The following OVOL1 variants were observed in gnomAD, a reference collection of about 807,000 sequenced individuals.
OVOL1 encodes the protein ovo like transcriptional repressor 1.
Under a neutral mutation model 21.5 loss-of-function variants are expected in OVOL1, and 10 were observed. The observed-to-expected ratio is 0.46, with a 90% CI of 0.29 to 0.79. The LOEUF (loss-of-function observed/expected upper bound fraction) is 0.79, where lower values mean the gene tolerates loss of function less well. Among genes scored for constraint, OVOL1 ranks in the 30% least tolerant of loss-of-function variants. The pLI, the probability that OVOL1 is intolerant of heterozygous loss-of-function variation, is 0.10. For synonymous variants in OVOL1, 129 were observed against 150.3 expected (o/e 0.86, Z 1.03); for missense variants, 279 against 362.3 (o/e 0.77, Z 1.87).
intron 1 of OVOL1, among the ~76,000 whole-genome samples, chr11:65,791,600 ACAGGCCT>A (rs1858019198): frequency 1.3e-5 from 2 of 152,208 alleles, no homozygotes; most frequent in Non-Finnish European, 2.9e-5. Context: ...AAGGCAGGAG[ACAGGCCT>A]CGATGGGCAG....
Position 65,797,154 on chromosome 11 carries a change from G to A in OVOL1, c.*1813G>A, listed in dbSNP as rs1349894139. 6.6e-6 allele frequency: 1 copy of A among 152,170 alleles called. No individual in the cohort carries two copies. Among genetic ancestry groups the A allele is most frequent in the Non-Finnish European group, 1.5e-5 (1 of 68,026 alleles). The allele number at this position is 152,170 out of a possible 1,614,324, so 9.4% of individuals were successfully genotyped here. A position where few individuals can be genotyped will look rare whatever the true frequency, so the allele number is the denominator to read the frequency against. ...ACTGCCAATCCGAGGCCGTCATGAA[G>A]CTCTGTGTTGTCTGTTTTATTTTAT... On this transcript the variant is annotated 3_prime_UTR_variant, in exon 4 of 4. Transcript: ENST00000335987.
At chr11:65,793,333 G>A (rs751046215) in intron 1 of OVOL1, among the ~76,000 whole-genome samples, 7 of 152,326 alleles carry the variant, frequency 4.6e-5, no homozygotes, top group Admixed American at 1.3e-4. Context: ...GACATGCCCC[G>A]GCGAGCGGTC....
At position 65,796,731 on chromosome 11, in the gene OVOL1, T is replaced by G. The variant is rs1477276111; in HGVS notation, c.*1390T>G. The G allele has an allele frequency of 1.3e-5, 2 of 152,154 alleles. No individual in the cohort carries two copies. Among genetic ancestry groups the G allele is most frequent in the Non-Finnish European group, 2.9e-5 (2 of 68,118 alleles). 9.4% of individuals were successfully genotyped at this position (152,154 alleles called of 1,614,324 possible). ...GCAGCTGGGAAAGGGGTTCTGGGTG[T>G]AAAGAGGTGTGCGTCTTGTGGGCCA... On this transcript the variant is annotated 3_prime_UTR_variant, in exon 4 of 4. Transcript: ENST00000335987.
rs1192204169 is a variant in OVOL1, at chr11:65,795,338, G to T, written c.801G>T (p.Leu267=). 1 of 1,593,614 alleles carries T rather than the reference G, an allele frequency of 6.3e-7. No homozygotes were observed. The highest frequency in any genetic ancestry group is 1.3e-5 in the African/African-American group (1 of 74,630). The change falls in exon 4 of 4, where the codon CTG becomes CTT. Residue 267 remains leucine, a synonymous_variant. Coordinates refer to ENST00000335987, the MANE Select transcript of OVOL1 (RefSeq NM_004561.4). This position sits in a 1 kb window ranked among gnomAD's most constrained non-coding sequence, Gnocchi z 5.7. ...CCCTGCTGCAGGGCAGCCCCCACCT[G>T]TGAGTGGCTCGAGCCCTGGGGGTGC... The part of the protein sequence containing the change: ...VTSLLQGSPH[L]
rs1248602259 is a variant in OVOL1 at position 65,796,501 on chromosome 11, G to A, written c.*1160G>A. The stretch of plus-strand genomic sequence containing the variant: ...GAAGACCGGCCCTTTTCTTGGTTGA[G>A]TCAAAAGCCTTAGCACAGTGGCAAA... On this transcript the variant is annotated 3_prime_UTR_variant, in exon 4 of 4. Transcript: ENST00000335987. 1 of 152,250 alleles carries A rather than the reference G, an allele frequency of 6.6e-6. No homozygotes were observed. Among genetic ancestry groups the A allele is most frequent in the African/African-American group, 2.4e-5 (1 of 41,448 alleles). The allele number at this position is 152,250 out of a possible 1,614,324, so 9.4% of individuals were successfully genotyped here.
At chr11:65,790,476 G>C (rs1272322945) in intron 1 of OVOL1, 1 of 152,310 alleles carries the variant, frequency 6.6e-6, no homozygotes, top group Non-Finnish European at 1.5e-5. Context: ...GTCCAGCCTG[G>C]CTCTACCACT....
Position 65,795,462 on chromosome 11 carries a change from G to GC in OVOL1, c.*126dup. 1.1e-6 allele frequency: 1 copy of GC among 927,788 alleles called. No homozygotes were observed. The highest frequency in any genetic ancestry group is 1.6e-6 in the Non-Finnish European group (1 of 619,988). 57.5% of individuals were successfully genotyped at this position (927,788 alleles called of 1,614,324 possible). A position where few individuals can be genotyped will look rare whatever the true frequency, so the allele number is the denominator to read the frequency against. ...CCGAACACCAGTGATCAGGACTGGA[G>GC]CCCCCGTGCCTTGGTCTCCCCCCTG... On this transcript the variant is annotated 3_prime_UTR_variant, in exon 4 of 4. Transcript: ENST00000335987. This position sits in a 1 kb window ranked among gnomAD's most constrained non-coding sequence, Gnocchi z 5.7.
rs1858078556 is a variant in OVOL1, at chr11:65,794,130, A to G, written c.200A>G (p.Asp67Gly). 1.1e-5 allele frequency: 18 copies of G among 1,613,674 alleles called. No individual in the cohort carries two copies. Among genetic ancestry groups the G allele is most frequent in the Non-Finnish European group, 1.4e-5 (17 of 1,179,954 alleles). The change falls in exon 2 of 4, where the codon GAC becomes GGC. Residue 67 changes from aspartate (D) to glycine (G), a missense_variant. Physicochemically the swap from Asp to Gly is moderately conservative, Grantham distance 94. Transcript: ENST00000335987. ...CPLALNMSLRDSSYSMAPGPC... is the reference protein window; with the variant it reads ...CPLALNMSLRGSSYSMAPGPC... ...CTGGCTTTGAACATGAGCCTTCGAG[A>G]CTCTAGCTACAGCATGGCCCCCGGG...
At chr11:65,791,081 A>G (rs1858007223) in intron 1 of OVOL1, among the ~76,000 whole-genome samples, 1 of 152,150 alleles carries the variant, frequency 6.6e-6, no homozygotes, top group African/African-American at 2.4e-5. Flanking sequence ...CACAGTTTTA[A>G]CTTCTTTGTG....
At chr11:65,793,581 A>G (rs1858066899) in intron 1 of OVOL1, 1 of 175,384 alleles carries the variant, frequency 5.7e-6, no homozygotes, top group Non-Finnish European at 1.2e-5. Context: ...CCAGCAGCCA[A>G]ATCTGTTGGA....
rs1309137291 is a variant in OVOL1 at position 65,794,040 on chromosome 11, G to A, written c.110G>A (p.Gly37Asp). The A allele has an allele frequency of 6.2e-7, 1 of 1,613,662 alleles. No homozygotes were observed. The highest frequency in any genetic ancestry group is 8.5e-7 in the Non-Finnish European group (1 of 1,179,900). ...RGEIYVPVSLGFCPPQPYREP... is the reference protein window; with the variant it reads ...RGEIYVPVSLDFCPPQPYREP... ...TCTGTTCTCTCCCCAGTCAGCCTGG[G>A]CTTCTGCCCACCACAGCCCTACCGG... The change falls in exon 2 of 4, where the codon GGC becomes GAC. Residue 37 changes from glycine (G) to aspartate (D), a missense_variant. Gly to Asp is a moderately conservative substitution (Grantham distance 94, BLOSUM62 -1). Coordinates refer to ENST00000335987, the MANE Select transcript of OVOL1 (RefSeq NM_004561.4).
chr11:65,789,562 G>A (rs67901563), intron 1 of OVOL1: 103,928 of 538,790 alleles, frequency 0.19, 11,203 homozygotes, highest in Non-Finnish European at 0.22. Flanking sequence ...GTCCACGCTC[G>A]GGTGCCTCAG....
Position 65,795,206 on chromosome 11 carries a change from G to C in OVOL1, c.669G>C (p.Glu223Asp). ...YVCEECGCTS[E>D]SQEGHVLHLK... Reference sequence around the variant, plus strand: ...GTGAGGAGTGCGGCTGCACATCTGAGAGCCAGGAGGGCCACGTCCTGCACC... The same window carrying C: ...GTGAGGAGTGCGGCTGCACATCTGACAGCCAGGAGGGCCACGTCCTGCACC... The change falls in exon 4 of 4, where the codon GAG (glutamate) becomes GAC (aspartate). Residue 223 changes from glutamate (E) to aspartate (D), a missense_variant. By Grantham distance (45) the Glu-to-Asp change is conservative. Transcript: ENST00000335987. This position sits in a 1 kb window ranked among gnomAD's most constrained non-coding sequence, Gnocchi z 5.7. 1 of 1,613,430 alleles carries C rather than the reference G, an allele frequency of 6.2e-7. No individual in the cohort carries two copies.
At position 65,787,478 on chromosome 11, in the gene OVOL1, G is replaced by A. The variant is rs1857927448; in HGVS notation, c.100+5G>A. 1.3e-6 allele frequency: 2 copies of A among 1,527,302 alleles called. No individual in the cohort carries two copies. The highest frequency in any genetic ancestry group is 2.9e-5 in the African/African-American group (2 of 70,086). 94.6% of individuals were successfully genotyped at this position (1,527,302 alleles called of 1,614,324 possible). A position where few individuals can be genotyped will look rare whatever the true frequency, so the allele number is the denominator to read the frequency against. ...GCGGCGAGATCTACGTGCCAGGTGA[G>A]GCTCCAACCGCCCTCCGGCCTGGGG... On this transcript the variant is annotated splice_donor_5th_base_variant and intron_variant, in intron 1 of 3. Coordinates refer to ENST00000335987, the MANE Select transcript of OVOL1 (RefSeq NM_004561.4).
intron 1 of OVOL1, chr11:65,790,440 C>T (rs1475269304): frequency 1.3e-5 from 2 of 152,254 alleles, no homozygotes; most frequent in African/African-American, 2.4e-5. Flanking sequence ...GGCGGTGGGA[C>T]ACTGGAGCTT....
At chr11:65,793,239 C>T (rs933767392) in intron 1 of OVOL1, among the ~76,000 whole-genome samples, 2 of 152,314 alleles carry the variant, frequency 1.3e-5, no homozygotes, top group Middle Eastern at 3.4e-3. Context: ...CCGGCCCGTT[C>T]GGTGTGAGGT....
chr11:65,797,025 A>C lies in OVOL1; in HGVS notation c.*1684A>C, dbSNP rs1204624571. 1 of 152,126 alleles carries C rather than the reference A, an allele frequency of 6.6e-6. No individual in the cohort carries two copies. The highest frequency in any genetic ancestry group is 1.5e-5 in the Non-Finnish European group (1 of 68,038). The allele number at this position is 152,126 out of a possible 1,614,324, so 9.4% of individuals were successfully genotyped here. A position where few individuals can be genotyped will look rare whatever the true frequency, so the allele number is the denominator to read the frequency against. On this transcript the variant is annotated 3_prime_UTR_variant, in exon 4 of 4. Transcript: ENST00000335987. Reference sequence around the variant, plus strand: ...ATTCTAAAATCTCTTGTTTCACTTGACTTTAGAGTGTCTGGGACGCTGCTG... The same window carrying C: ...ATTCTAAAATCTCTTGTTTCACTTGCCTTTAGAGTGTCTGGGACGCTGCTG...
Position 65,795,335 on chromosome 11 carries a change from C to A in OVOL1, c.798C>A (p.His266Gln). 1.3e-6 allele frequency: 2 copies of A among 1,596,740 alleles called. No individual in the cohort carries two copies. Among genetic ancestry groups the A allele is most frequent in the South Asian group, 1.1e-5 (1 of 89,274 alleles). The change falls in exon 4 of 4, where the codon CAC becomes CAA. Residue 266 changes from histidine (H) to glutamine (Q), a missense_variant. His to Gln is a conservative substitution (Grantham distance 24). Coordinates refer to ENST00000335987, the MANE Select transcript of OVOL1 (RefSeq NM_004561.4). The surrounding 1 kb of genome is among the most constrained non-coding windows in gnomAD (Gnocchi z 5.7). ...CTTCCCTGCTGCAGGGCAGCCCCCA[C>A]CTGTGAGTGGCTCGAGCCCTGGGGG... is the stretch of plus-strand genomic sequence containing the variant. ...TVTSLLQGSP[H>Q]L is the part of the protein sequence containing the mutation.
intron 1 of OVOL1, among the ~76,000 whole-genome samples, chr11:65,791,766 T>C (rs1406556653): frequency 6.6e-6 from 1 of 152,240 alleles, no homozygotes; most frequent in Non-Finnish European, 1.5e-5. Flanking sequence ...GGCCTTGCCA[T>C]ACTCCACAGC....
Sources: allele counts gnomAD v4.1 joint callset (sites outside exome capture counted in the v4.1 genomes callset), GRCh38; gene constraint gnomAD v4.1.1; non-coding constraint Gnocchi (gnomAD v3.1); transcripts MANE v1.5; gene names NCBI Gene and HGNC (gene_info 2026-07-23, HGNC 2026-07-21).